Variants in TFIP11 observed in about 807,000 individuals in gnomAD.
TFIP11 encodes the protein tuftelin-interacting protein 11.
In TFIP11, 86 loss-of-function variants were observed where a neutral mutation model predicts 96.8. That is an observed-to-expected ratio of 0.89 (90% CI 0.75 to 1.06). TFIP11 has a LOEUF of 1.06. Ranked by LOEUF, TFIP11 falls within the 50% of genes least tolerant of loss-of-function variation. TFIP11 has a pLI of 0.00. For synonymous variants in TFIP11, 405 were observed against 395.2 expected (o/e 1.02, Z -0.29); for missense variants, 881 against 1,076.7 (o/e 0.82, Z 2.54).
chr22:26,499,753 G>A lies in TFIP11; in HGVS notation c.802-122C>T, dbSNP rs193295504. ...AGAAACCACATTATTCAACAGAGCT[G>A]GAGAAGGGCAGTGTTGTAAAGTGGG... On this transcript the variant is annotated intron_variant, in intron 8 of 14. Transcript: ENST00000407690. The A allele has an allele frequency of 4.0e-4, 422 of 1,045,920 alleles. 2 individuals are homozygous for A. In the African/African-American group the frequency reaches 5.8e-3, roughly 14 times the overall value. The allele number at this position is 1,045,920 out of a possible 1,614,324, so 64.8% of individuals were successfully genotyped here.
chr22:26,491,308 C>T lies in TFIP11; in HGVS notation c.*705G>A. Reference sequence around the variant, plus strand: ...TGATATCCACTGTCCTTGGGGCGCCCAATTCATTGTGCAAAAGCATTTAAA... The same window carrying T: ...TGATATCCACTGTCCTTGGGGCGCCTAATTCATTGTGCAAAAGCATTTAAA... On this transcript the variant is annotated 3_prime_UTR_variant, in exon 15 of 15. Coordinates refer to ENST00000407690, the MANE Select transcript of TFIP11 (RefSeq NM_012143.4). The T allele has an allele frequency of 2.7e-6, 2 of 747,852 alleles. No homozygotes were observed. Among genetic ancestry groups the T allele is most frequent in the Non-Finnish European group, 2.2e-6 (1 of 457,562 alleles). 46.3% of individuals were successfully genotyped at this position (747,852 alleles called of 1,614,324 possible).
rs113523772 is a variant in TFIP11, at chr22:26,508,350, C to G, written c.210-1422G>C. Among the ~76,000 whole-genome samples, 73 of 152,226 alleles carry G rather than the reference C, an allele frequency of 4.8e-4. 1 individual carries two copies. Among genetic ancestry groups the G allele is most frequent in the African/African-American group, 1.6e-3 (68 of 41,540 alleles). ...AGTCTCTTAATCTGTAAAATGGGGA[C>G]AATAATGGTACCTTTCTCATAAGGA... On this transcript the variant is annotated intron_variant, in intron 4 of 14. Transcript: ENST00000407690.
At chr22:26,510,990 A>C (rs1361348543) in intron 2 of TFIP11, 2 of 152,302 alleles carry the variant, frequency 1.3e-5, no homozygotes, top group Non-Finnish European at 2.9e-5. Flanking sequence ...TAAGTGCTCA[A>C]GAAACGATAG....
intron 7 of TFIP11, 140 bp downstream of exon 7, chr22:26,503,526 G>T: frequency 9.7e-7 from 1 of 1,035,476 alleles, no homozygotes; most frequent in Non-Finnish European, 1.4e-6. Context: ...TCATCATGGT[G>T]CACCTAGCCT....
chr22:26,498,702 TAAAA>T, intron 10 of TFIP11, 163 bp downstream of exon 10: 1 of 484,234 alleles, frequency 2.1e-6, no homozygotes, highest in Non-Finnish European at 3.7e-6. Flanking sequence ...TCAAAAAAAT[TAAAA>T]AAAAAAAATT....
chr22:26,510,402 A>T, intron 3 of TFIP11, 121 bp from the exon 4 acceptor site: 1 of 895,840 alleles, frequency 1.1e-6, no homozygotes. Context: ...AGTCCATTAA[A>T]GTCAGCATTA....
chr22:26,507,287 C>A (rs1275085291), intron 4 of TFIP11, among the ~76,000 whole-genome samples: 1 of 151,796 alleles, frequency 6.6e-6, no homozygotes, highest in African/African-American at 2.4e-5. Flanking sequence ...TACAAAAATC[C>A]AACAGGAGCA....
intron 8 of TFIP11, among the ~76,000 whole-genome samples, chr22:26,500,538 AT>A (rs1421309466): frequency 6.6e-6 from 1 of 152,208 alleles, no homozygotes; most frequent in Admixed American, 6.5e-5. Context: ...CAATGAGCTA[AT>A]TCCAATATTT....
chr22:26,503,911 C>A, intron 6 of TFIP11, 118 bp from the exon 7 acceptor site: 2 of 1,337,598 alleles, frequency 1.5e-6, no homozygotes, highest in Non-Finnish European at 2.1e-6. Flanking sequence ...ACATGCTACT[C>A]AGGAAGGAGA....
intron 8 of TFIP11, among the ~76,000 whole-genome samples, chr22:26,501,693 G>A (rs879831324): frequency 2.0e-5 from 3 of 147,934 alleles, no homozygotes; most frequent in Non-Finnish European, 4.5e-5. Flanking sequence ...TACTAAATAT[G>A]GGAGTGTAAT....
Position 26,498,847 on chromosome 22 carries a change from A to AG in TFIP11, c.1436+21dup, listed in dbSNP as rs747251747. 4.6e-5 allele frequency: 73 copies of AG among 1,600,504 alleles called. 1 individual carries two copies. In the Middle Eastern group the frequency reaches 6.8e-4, roughly 15 times the overall value. On this transcript the variant is annotated intron_variant, in intron 10 of 14. Coordinates refer to ENST00000407690, the MANE Select transcript of TFIP11 (RefSeq NM_012143.4). ...CCCCAGGAGAAAGGAGCTGGGGTAC[A>AG]GAGCCCTGCTCTGTGGTGTACCTGT...
At position 26,498,541 on chromosome 22, in the gene TFIP11, C is replaced by CAA. The variant is rs10716815; in HGVS notation, c.1436+326_1436+327dup. ...CTGGTGACAGAGTGAGACTCCATCT[C>CAA]AAAAAAAAAAAAAAAAAAAAGACTA... is the stretch of plus-strand genomic sequence containing the variant. On this transcript the variant is annotated intron_variant, in intron 10 of 14. Coordinates refer to ENST00000407690, the MANE Select transcript of TFIP11 (RefSeq NM_012143.4). 1.2e-3 allele frequency among the ~76,000 whole-genome samples: 99 copies of CAA among 83,564 alleles called. 1 individual carries two copies. The highest frequency in any genetic ancestry group is 3.4e-3 in the African/African-American group (73 of 21,302). 54.8% of individuals were successfully genotyped at this position (83,564 alleles called of 152,430 possible).
chr22:26,491,948 A>T lies in TFIP11; in HGVS notation c.*65T>A. The T allele has an allele frequency of 2.8e-6, 4 of 1,434,236 alleles. No homozygotes were observed. The highest frequency in any genetic ancestry group is 3.8e-6 in the Non-Finnish European group (4 of 1,054,978). 88.8% of individuals were successfully genotyped at this position (1,434,236 alleles called of 1,614,324 possible). A position where few individuals can be genotyped will look rare whatever the true frequency, so the allele number is the denominator to read the frequency against. On this transcript the variant is annotated 3_prime_UTR_variant, in exon 15 of 15. Transcript: ENST00000407690. ...ACCCTTTTGAAGGTGATCTAAAAAT[A>T]CTGTTTATTTACAGTACATCCCTCT...
chr22:26,503,430 C>T (rs1923028444), intron 7 of TFIP11, among the ~76,000 whole-genome samples: 1 of 152,206 alleles, frequency 6.6e-6, no homozygotes, highest in African/African-American at 2.4e-5. Context: ...TATTTTCTGT[C>T]TAGGCAGCTC....
At chr22:26,501,133 G>A (rs1050664386) in intron 8 of TFIP11, among the ~76,000 whole-genome samples, 1 of 151,958 alleles carries the variant, frequency 6.6e-6, no homozygotes, top group Non-Finnish European at 1.5e-5. Context: ...TGCCCGCCTA[G>A]GCCTCCCAAA....
At chr22:26,506,499 C>CA in intron 5 of TFIP11, 40 bp from the exon 6 acceptor site, 1 of 1,575,396 alleles carries the variant, frequency 6.3e-7, no homozygotes, top group Non-Finnish European at 8.6e-7. Context: ...AATGGAAAAA[C>CA]AAAATGAAGA....
chr22:26,498,812 C>A lies in TFIP11; in HGVS notation c.1436+57G>T, dbSNP rs182649990. On this transcript the variant is annotated intron_variant, in intron 10 of 14. Transcript: ENST00000407690. ...CTGCCTTCCCCCACCTTCAGCAATC[C>A]TTCCCAACCCCCCAGGAGAAAGGAG... 61 of 1,451,240 alleles carry A rather than the reference C, an allele frequency of 4.2e-5. No homozygotes were observed. In the Admixed American group the frequency reaches 1.0e-3, roughly 24 times the overall value. The allele number at this position is 1,451,240 out of a possible 1,614,324, so 89.9% of individuals were successfully genotyped here. A position where few individuals can be genotyped will look rare whatever the true frequency, so the allele number is the denominator to read the frequency against.
chr22:26,496,833 G>T lies in TFIP11; in HGVS notation c.1493C>A (p.Pro498Gln), dbSNP rs1922127311. The change falls in exon 11 of 15, where the codon CCA (proline) becomes CAA (glutamine). Residue 498 changes from proline to glutamine, a missense_variant. Physicochemically the swap from Pro to Gln is moderately conservative, Grantham distance 76. Transcript: ENST00000407690. ...GTCCACCATCGGGTCACAGTTCCTT[G>T]GCTGCCACTGGGTGACAATATTTCG... is the stretch of plus-strand genomic sequence containing the variant. ...FVRNIVTQWQPRNCDPMVDFL... is the reference protein window; with the variant it reads ...FVRNIVTQWQQRNCDPMVDFL... 1 of 1,614,050 alleles carries T rather than the reference G, an allele frequency of 6.2e-7. No individual in the cohort carries two copies. Among genetic ancestry groups the T allele is most frequent in the African/African-American group, 1.3e-5 (1 of 74,916 alleles).
rs758387161 is a variant in TFIP11, at chr22:26,496,713, C to G, written c.1605+8G>C. ...GATGACGACTGTTTCCCATGACTCT[C>G]ATCCCACCTCCTTTTGCAGCTTGGG... On this transcript the variant is annotated splice_region_variant and intron_variant, in intron 11 of 14. Transcript: ENST00000407690. 1.9e-6 allele frequency: 3 copies of G among 1,613,066 alleles called. No individual in the cohort carries two copies. The East Asian group carries it at 6.7e-5, about 36-fold the overall frequency.
Sources: gnomAD v4.1 joint callset for allele counts (sites outside exome capture counted in the v4.1 genomes callset) on GRCh38, gnomAD v4.1.1 for gene constraint, MANE v1.5 for transcripts, NCBI Gene and HGNC (gene_info 2026-07-23, HGNC 2026-07-21) for gene names.